Variants in CEP128 observed in about 807,000 individuals in gnomAD.
The protein encoded by CEP128 is centrosomal protein 128kDa.
A neutral mutation model predicts 156.7 loss-of-function variants in CEP128; 132 were observed. That is an observed-to-expected ratio of 0.84 (90% CI 0.73 to 0.97). The LOEUF (loss-of-function observed/expected upper bound fraction) is 0.97, where lower values mean the gene tolerates loss of function less well. CEP128 is among the 50% of genes least tolerant of loss of function. The probability of loss-of-function intolerance (pLI) is 0.00; values close to 1 mark genes in which losing one functional copy is unlikely to be tolerated. For missense variants in CEP128, 1,252 were observed against 1,281.9 expected (o/e 0.98, Z 0.36); for synonymous variants, 469 against 448.9 (o/e 1.04, Z -0.57).
chr14:80,488,825 T>C (rs1437720917), downstream of CEP128, among the ~76,000 whole-genome samples: 2 of 151,836 alleles, frequency 1.3e-5, no homozygotes, highest in African/African-American at 4.8e-5. Context: ...TGAGTTCATG[T>C]CCTTTGTAGG....
At chr14:80,853,356 A>G (rs1253954267) in intron 9 of CEP128, among the ~76,000 whole-genome samples, 1 of 151,938 alleles carries the variant, frequency 6.6e-6, no homozygotes, top group African/African-American at 2.4e-5. Context: ...CTTTAATTTC[A>G]AATGATATGA....
At chr14:80,806,685 T>C (rs1245654917) in intron 13 of CEP128, among the ~76,000 whole-genome samples, 1 of 152,202 alleles carries the variant, frequency 6.6e-6, no homozygotes, top group Non-Finnish European at 1.5e-5. Context: ...AACTTGGTTA[T>C]ACATTTGCTA....
intron 2 of CEP128, chr14:80,955,249 G>A (rs751138153): frequency 2.7e-5 from 9 of 328,496 alleles, no homozygotes; most frequent in Non-Finnish European, 5.3e-5. Context: ...GTGTCTAGAA[G>A]GCTACACGCT....
intron 4 of CEP128, among the ~76,000 whole-genome samples, chr14:80,912,899 T>A (rs1227694089): frequency 6.6e-6 from 1 of 152,180 alleles, no homozygotes; most frequent in Non-Finnish European, 1.5e-5. Flanking sequence ...ACAATGTGAT[T>A]TTAGTGTTTT....
intron 23 of CEP128, among the ~76,000 whole-genome samples, chr14:80,513,956 G>A (rs968652596): frequency 6.6e-6 from 1 of 152,050 alleles, no homozygotes; most frequent in Non-Finnish European, 1.5e-5. Context: ...TAAAAGCCTA[G>A]CACCTTTTAA....
chr14:80,953,638 C>T (rs1886518236), intron 2 of CEP128, among the ~76,000 whole-genome samples: 1 of 152,160 alleles, frequency 6.6e-6, no homozygotes, highest in Admixed American at 6.5e-5. Flanking sequence ...AGATTTATCC[C>T]TGCAATTCAA....
intron 19 of CEP128, among the ~76,000 whole-genome samples, chr14:80,714,098 A>C (rs1281879564): frequency 6.6e-6 from 1 of 152,166 alleles, no homozygotes; most frequent in Non-Finnish European, 1.5e-5. Flanking sequence ...GAATATACTG[A>C]ATATTGTATT....
chr14:80,585,901 T>A (rs1891798266), intron 19 of CEP128, among the ~76,000 whole-genome samples: 1 of 151,344 alleles, frequency 6.6e-6, no homozygotes. Context: ...TATAACAAAA[T>A]TCATCAGATA....
At chr14:80,679,873 G>A (rs924630570) in intron 19 of CEP128, among the ~76,000 whole-genome samples, 16 of 152,106 alleles carry the variant, frequency 1.1e-4, no homozygotes, top group African/African-American at 1.9e-4. Flanking sequence ...TGTCACCCCC[G>A]GAGGCCCAGC....
intron 8 of CEP128, among the ~76,000 whole-genome samples, chr14:80,880,969 G>A (rs375487532): frequency 2.7e-5 from 4 of 147,066 alleles, no homozygotes; most frequent in African/African-American, 9.9e-5. Flanking sequence ...ACACAATTAT[G>A]TAACTGAAAA....
chr14:80,597,940 T>G (rs1892403937), intron 19 of CEP128, among the ~76,000 whole-genome samples: 1 of 101,714 alleles, frequency 9.8e-6, no homozygotes, highest in African/African-American at 4.0e-5. Context: ...AGAAGGGAAT[T>G]CCTCAGCTAC....
intron 19 of CEP128, among the ~76,000 whole-genome samples, chr14:80,582,755 C>A (rs1227114447): frequency 1.3e-5 from 2 of 151,988 alleles, no homozygotes; most frequent in Non-Finnish European, 2.9e-5. Flanking sequence ...GTGTCCTTAC[C>A]CCAATTCTCT....
At chr14:80,488,066 C>CA (rs1887209666), downstream of CEP128, among the ~76,000 whole-genome samples, 1 of 147,372 alleles carries the variant, frequency 6.8e-6, no homozygotes, top group Non-Finnish European at 1.5e-5. Context: ...AAAAACCCTT[C>CA]AAAAATCAAT....
intron 2 of CEP128, chr14:80,955,909 G>A (rs939596468): frequency 1.2e-6 from 2 of 1,609,192 alleles, no homozygotes. Flanking sequence ...TGCAGAGGTG[G>A]CCCGAAGTGC....
intron 19 of CEP128, among the ~76,000 whole-genome samples, chr14:80,655,275 T>C (rs557216825): frequency 7.9e-5 from 12 of 152,260 alleles, no homozygotes; most frequent in African/African-American, 2.9e-4. Flanking sequence ...TATCTATCCA[T>C]CCAATCTCTT....
chr14:80,700,400 G>T (rs1595243745), intron 19 of CEP128, among the ~76,000 whole-genome samples: 2 of 152,116 alleles, frequency 1.3e-5, no homozygotes, highest in Non-Finnish European at 2.9e-5. Flanking sequence ...GTACAGAGTG[G>T]CAGGGAAGAT....
chr14:80,673,340 A>AT (rs1895917666), intron 19 of CEP128, among the ~76,000 whole-genome samples: 1 of 152,178 alleles, frequency 6.6e-6, no homozygotes, highest in South Asian at 2.1e-4. Flanking sequence ...GTTGATGAGC[A>AT]TTTTTAAAAT....
Position 80,497,419 on chromosome 14 carries a change from G to T in CEP128, c.*60C>A. 8.6e-7 allele frequency: 1 copy of T among 1,168,874 alleles called. No individual in the cohort carries two copies. The highest frequency in any genetic ancestry group is 1.3e-6 in the Non-Finnish European group (1 of 794,310). The allele number at this position is 1,168,874 out of a possible 1,614,324, so 72.4% of individuals were successfully genotyped here. A position where few individuals can be genotyped will look rare whatever the true frequency, so the allele number is the denominator to read the frequency against. On this transcript the variant is annotated 3_prime_UTR_variant, in exon 25 of 25. Transcript: ENST00000555265. Reference sequence around the variant, plus strand: ...GATAATCTGGGCCAAATTGCTGTAAGAATAGAGATGTTATTATTTGTAACA... The same window carrying T: ...GATAATCTGGGCCAAATTGCTGTAATAATAGAGATGTTATTATTTGTAACA...
At chr14:80,897,633 A>G (rs1889406026) in intron 7 of CEP128, among the ~76,000 whole-genome samples, 1 of 152,010 alleles carries the variant, frequency 6.6e-6, no homozygotes, top group Non-Finnish European at 1.5e-5. Context: ...TCCCTCACCC[A>G]CCATTACCAA....
Sources: allele counts gnomAD v4.1 joint callset (sites outside exome capture counted in the v4.1 genomes callset), GRCh38; gene constraint gnomAD v4.1.1; transcripts MANE v1.5; gene names NCBI Gene and HGNC (gene_info 2026-07-23, HGNC 2026-07-21).